The following XRCC1 variants were observed in gnomAD, a reference collection of about 807,000 sequenced individuals.
XRCC1 encodes X-ray repair cross complementing 1.
In XRCC1, 52 loss-of-function variants were observed where a neutral mutation model predicts 83.3. The observed-to-expected ratio is 0.62, with a 90% CI of 0.50 to 0.79. The LOEUF (loss-of-function observed/expected upper bound fraction) is 0.79, where lower values mean the gene tolerates loss of function less well. Among genes scored for constraint, XRCC1 ranks in the 30% least tolerant of loss-of-function variants. The probability of loss-of-function intolerance (pLI) is 0.00; values close to 1 mark genes in which losing one functional copy is unlikely to be tolerated. For missense variants in XRCC1, 793 were observed against 823.5 expected (o/e 0.96, Z 0.45); for synonymous variants, 281 against 312.6 (o/e 0.90, Z 1.07).
intron 10 of XRCC1, among the ~76,000 whole-genome samples, chr19:43,548,190 G>T (rs1260687052): frequency 1.3e-5 from 2 of 151,702 alleles, no homozygotes; most frequent in African/African-American, 4.8e-5. Flanking sequence ...GCCCCGTCCG[G>T]GAGGTGGGGG....
At chr19:43,553,818 G>C (rs1035162875) in intron 4 of XRCC1, 135 bp from the exon 5 acceptor site, 3 of 679,776 alleles carry the variant, frequency 4.4e-6, no homozygotes, top group Non-Finnish European at 4.9e-6. Flanking sequence ...AGGGGCCCTG[G>C]CGATGGTGAT....
At chr19:43,573,609 A>G (rs1972825497) in intron 2 of XRCC1, among the ~76,000 whole-genome samples, 1 of 152,126 alleles carries the variant, frequency 6.6e-6, no homozygotes, top group Admixed American at 6.6e-5. Flanking sequence ...ACAATGGTTC[A>G]TGCCTGTCAT....
At chr19:43,568,152 C>A (rs966445592) in intron 2 of XRCC1, among the ~76,000 whole-genome samples, 1 of 151,608 alleles carries the variant, frequency 6.6e-6, no homozygotes, top group Non-Finnish European at 1.5e-5. Context: ...GGATTACAGG[C>A]GTGAGCCACC....
chr19:43,548,506 G>A (rs1972541362), intron 10 of XRCC1, among the ~76,000 whole-genome samples: 1 of 152,112 alleles, frequency 6.6e-6, no homozygotes, highest in South Asian at 2.1e-4. Flanking sequence ...CATGTGTTGT[G>A]TCCACTCAGG....
intron 3 of XRCC1, among the ~76,000 whole-genome samples, chr19:43,559,479 C>CAAAAA (rs58121949): frequency 9.0e-4 from 51 of 56,494 alleles, no homozygotes; most frequent in Admixed American, 2.8e-3. Context: ...GACTCCATCT[C>CAAAAA]AAAAAAAAAA....
chr19:43,572,981 G>A (rs73556526), intron 2 of XRCC1, among the ~76,000 whole-genome samples: 128 of 138,884 alleles, frequency 9.2e-4, no homozygotes, highest in African/African-American at 3.3e-3. Context: ...CTCACAGGCC[G>A]GAGTGCAGTG....
intron 4 of XRCC1, 88 bp downstream of exon 4, chr19:43,554,558 T>G: frequency 1.4e-6 from 2 of 1,474,948 alleles, no homozygotes; most frequent in Non-Finnish European, 1.8e-6. Context: ...TGTCTACTCC[T>G]CCCAGCCCTA....
intron 15 of XRCC1, 59 bp from the exon 16 acceptor site, chr19:43,543,746 A>G: frequency 6.6e-7 from 1 of 1,518,534 alleles, no homozygotes; most frequent in African/African-American, 1.4e-5. Flanking sequence ...CTGACGTCCT[A>G]CTCCCCAGCC....
At chr19:43,570,685 T>A (rs1237646884) in intron 2 of XRCC1, among the ~76,000 whole-genome samples, 1 of 152,138 alleles carries the variant, frequency 6.6e-6, no homozygotes, top group Non-Finnish European at 1.5e-5. Flanking sequence ...TCTGGGAGGC[T>A]GAGGTGGGAG....
chr19:43,567,504 G>T (rs1972765634), intron 2 of XRCC1, among the ~76,000 whole-genome samples: 1 of 152,054 alleles, frequency 6.6e-6, no homozygotes, highest in Admixed American at 6.6e-5. Flanking sequence ...TAGAGATGGG[G>T]TTTCACCATG....
At chr19:43,561,138 G>A in intron 2 of XRCC1, 118 bp from the exon 3 acceptor site, 1 of 798,180 alleles carries the variant, frequency 1.3e-6, no homozygotes, top group Non-Finnish European at 2.2e-6. Context: ...TCTGTGAGGG[G>A]GCACACCAGG....
intron 10 of XRCC1, among the ~76,000 whole-genome samples, chr19:43,548,184 C>A (rs924481129): frequency 2.0e-5 from 3 of 150,874 alleles, no homozygotes; most frequent in African/African-American, 7.3e-5. Context: ...GCCGCCGCCC[C>A]GTCCGGGAGG....
rs756693979 is a variant in XRCC1 at position 43,560,994 on chromosome 19, A to G, written c.171T>C (p.Ser57=). ...LQLEKEEQIH[S]VDIGNDGSAF... is the part of the protein sequence containing the mutation. ...CTGAGCCATCATTCCCAATGTCCAC[A>G]CTGTGTATCTGCTCCTCCTTCTCCA... is the stretch of plus-strand genomic sequence containing the variant. Residue 57 remains serine (S), a synonymous_variant, in exon 3 of 17, where the codon AGT becomes AGC. Coordinates refer to ENST00000262887, the MANE Select transcript of XRCC1 (RefSeq NM_006297.3). 1.5e-5 allele frequency: 25 copies of G among 1,614,018 alleles called. No individual in the cohort carries two copies. Among genetic ancestry groups the G allele is most frequent in the East Asian group, 2.2e-5 (1 of 44,902 alleles).
chr19:43,543,604 G>A lies in XRCC1; in HGVS notation c.1788+8C>T. On this transcript the variant is annotated splice_region_variant and intron_variant, in intron 16 of 16. Coordinates refer to ENST00000262887, the MANE Select transcript of XRCC1 (RefSeq NM_006297.3). ...GGGTCTCCCATTCTCTGCCTCTTTG[G>A]TACTCACCTCCTCAAAGCTGGGATC... 6.2e-7 allele frequency: 1 copy of A among 1,613,874 alleles called. No individual in the cohort carries two copies. The highest frequency in any genetic ancestry group is 8.5e-7 in the Non-Finnish European group (1 of 1,179,974).
At chr19:43,546,775 G>A (rs1407315938) in intron 11 of XRCC1, 48 bp from the exon 12 acceptor site, 2 of 1,595,558 alleles carry the variant, frequency 1.3e-6, no homozygotes, top group Admixed American at 1.7e-5. Flanking sequence ...CAGTGTGGGT[G>A]TGTTGGGGGG....
Position 43,546,917 on chromosome 19 carries a change from G to A in XRCC1, c.1260C>T (p.Gly420=). The change falls in exon 11 of 17, where the codon GGC becomes GGT. Residue 420 remains glycine, a synonymous_variant. Transcript: ENST00000262887. Reference sequence around the variant, plus strand: ...GAAGCTTGGGGGCTTCATCTCCGCTGCCACCGCTGTGAGAGGCCTCATCCT... The same window carrying A: ...GAAGCTTGGGGGCTTCATCTCCGCTACCACCGCTGTGAGAGGCCTCATCCT... ...SEEDEASHSG[G]SGDEAPKLPQ... The A allele has an allele frequency of 2.5e-6, 4 of 1,614,026 alleles. No homozygotes were observed. Among genetic ancestry groups the A allele is most frequent in the South Asian group, 2.2e-5 (2 of 91,082 alleles).
intron 6 of XRCC1, 138 bp from the exon 7 acceptor site, chr19:43,553,229 C>G: frequency 8.4e-7 from 1 of 1,186,578 alleles, no homozygotes; most frequent in South Asian, 1.4e-5. Context: ...TCTCAACCCT[C>G]AGGACACAAG....
Position 43,574,917 on chromosome 19 carries a change from AC to A in XRCC1, c.136del (p.Val46SerfsTer99). On this transcript the variant is annotated frameshift_variant, in exon 2 of 17. Coordinates refer to ENST00000262887, the MANE Select transcript of XRCC1 (RefSeq NM_006297.3). LOFTEE classifies it high-confidence loss of function. ...AKAGEKTISV[V>X]LQLEKEEQIH... The stretch of plus-strand genomic sequence containing the variant: ...GTGGGGTGGCAGGATCACCTGTAGG[AC>A]CACAGAGATGGTCTTCTCGCCTGCC... The A allele has an allele frequency of 6.2e-7, 1 of 1,613,910 alleles. No individual in the cohort carries two copies. Among genetic ancestry groups the A allele is most frequent in the African/African-American group, 1.3e-5 (1 of 75,040 alleles).
At chr19:43,559,479 CAAAAAAAAAAAAA>C (rs58121949) in intron 3 of XRCC1, among the ~76,000 whole-genome samples, 3 of 56,532 alleles carry the variant, frequency 5.3e-5, no homozygotes, top group South Asian at 9.8e-4. Context: ...GACTCCATCT[CAAAAAAAAAAAAA>C]AAAAAAAAAA....
Sources: gnomAD v4.1 joint callset for allele counts (sites outside exome capture counted in the v4.1 genomes callset) on GRCh38, gnomAD v4.1.1 for gene constraint, MANE v1.5 for transcripts, NCBI Gene and HGNC (gene_info 2026-07-23, HGNC 2026-07-21) for gene names.